Variants in RBPJ observed in about 807,000 individuals in gnomAD.
The protein encoded by RBPJ is recombining binding protein suppressor of hairless.
RBPJ carries 9 observed loss-of-function variants against 67.8 expected under a neutral mutation model. That is an observed-to-expected ratio of 0.13 (90% CI 0.08 to 0.23). The LOEUF is 0.23. RBPJ is among the 10% of genes least tolerant of loss of function. The pLI is 1.00. For synonymous variants in RBPJ, 198 were observed against 203.3 expected, an observed-to-expected ratio of 0.97 and a Z score of 0.22; for missense variants, 305 against 595.6, an observed-to-expected ratio of 0.51 and a Z score of 5.08.
At chr4:26,327,007 C>G (rs1235940840) in intron 1 of RBPJ, among the ~76,000 whole-genome samples, 3 of 152,168 alleles carry the variant, frequency 2.0e-5, no homozygotes, top group Non-Finnish European at 2.9e-5. Context: ...TTTTTGGGGT[C>G]TATTTCTTAC....
chr4:26,315,136 C>T (rs77236511), upstream of RBPJ, among the ~76,000 whole-genome samples: 1 of 78,188 alleles, frequency 1.3e-5, no homozygotes, highest in Admixed American at 2.2e-4. Flanking sequence ...CAGAGCTAGT[C>T]TCTGTCTCAA....
chr4:26,231,414 C>CTTT (rs368580629), intron 1 of RBPJ, among the ~76,000 whole-genome samples: 2 of 142,116 alleles, frequency 1.4e-5, no homozygotes, highest in Non-Finnish European at 3.1e-5. Flanking sequence ...TTTAATTGCA[C>CTTT]TTTTTTTTTT....
intron 1 of RBPJ, among the ~76,000 whole-genome samples, chr4:26,171,419 T>C (rs1368248800): frequency 6.6e-6 from 1 of 152,072 alleles, no homozygotes; most frequent in Non-Finnish European, 1.5e-5. Context: ...AAGTCTCAAA[T>C]TAGTTGAGCA....
chr4:26,312,333 G>A (rs1379582912), intron 1 of RBPJ, among the ~76,000 whole-genome samples: 1 of 152,076 alleles, frequency 6.6e-6, no homozygotes, highest in Non-Finnish European at 1.5e-5. Flanking sequence ...GGGTTTCACT[G>A]TGTTAGCCAA....
Position 26,210,686 on chromosome 4 carries a change from C to CTTTCTTTCTTTCTTTCTTTCTTTCTTT in RBPJ, c.-167+47072_-167+47073insTTTCTTTCTTTCTTTCTTTCTTTCTTT, listed in dbSNP as rs56289492. Among the ~76,000 whole-genome samples the CTTTCTTTCTTTCTTTCTTTCTTTCTTT allele has an allele frequency of 1.7e-3, 109 of 65,392 alleles. 9 individuals carry two copies. Among genetic ancestry groups the CTTTCTTTCTTTCTTTCTTTCTTTCTTT allele is most frequent in the East Asian group, 3.9e-3 (9 of 2,290 alleles). The allele number at this position is 65,392 out of a possible 152,430, so 42.9% of individuals were successfully genotyped here. On this transcript the variant is annotated intron_variant, in intron 1 of 4. Transcript: ENST00000512351. ...TTTTTCTTTCTTTCTTTCTTTCTTTCCTTTCTTTCTTTCTTTCTTTCCTTC... is the reference window on the plus strand; with the variant it reads ...TTTTTCTTTCTTTCTTTCTTTCTTTCTTTCTTTCTTTCTTTCTTTCTTTCTTTCTTTCTTTCTTTCTTTCTTTCCTTC...
chr4:26,362,231 A>G (rs1278104449), intron 1 of RBPJ, among the ~76,000 whole-genome samples: 2 of 152,200 alleles, frequency 1.3e-5, no homozygotes, highest in African/African-American at 2.4e-5. Context: ...CAATTGGGGC[A>G]AAGAGATTTG....
the RBPJ span, among the ~76,000 whole-genome samples, chr4:26,120,386 GT>G: frequency 5.9e-5 from 9 of 152,276 alleles, no homozygotes; most frequent in South Asian, 1.9e-3. Context: ...GCAAGTCTTT[GT>G]TCTGAACAGT....
At chr4:26,320,632 C>T, upstream of RBPJ, 1 of 1,184,938 alleles carries the variant, frequency 8.4e-7, no homozygotes, top group Non-Finnish European at 1.2e-6. Context: ...CTCCTCCCTT[C>T]TCCTCGGCCC....
intron 1 of RBPJ, 115 bp downstream of exon 1, chr4:26,321,163 GGGCGGCGTCGCGTGCGCCGAGCGC>G: frequency 2.0e-6 from 1 of 505,842 alleles, no homozygotes; most frequent in South Asian, 5.8e-5. Flanking sequence ...GGGCCCGCGG[GGGCGGCGTCGCGTGCGCCGAGCGC>G]GGCGGCGGCG....
At chr4:26,216,921 T>C (rs1718739959) in intron 1 of RBPJ, among the ~76,000 whole-genome samples, 1 of 152,114 alleles carries the variant, frequency 6.6e-6, no homozygotes, top group Non-Finnish European at 1.5e-5. Flanking sequence ...TAAGACACTG[T>C]CTTAGTCAAT....
At chr4:26,178,688 G>C (rs2109125792) in intron 1 of RBPJ, among the ~76,000 whole-genome samples, 1 of 149,916 alleles carries the variant, frequency 6.7e-6, no homozygotes, top group East Asian at 2.0e-4. Context: ...AGGGGAGTGA[G>C]AGTGAAATCC....
chr4:26,286,298 G>C (rs1023789440), intron 1 of RBPJ, among the ~76,000 whole-genome samples: 4 of 151,982 alleles, frequency 2.6e-5, no homozygotes, highest in Non-Finnish European at 4.4e-5. Flanking sequence ...GGGCAACACA[G>C]TGAGACCAGG....
At chr4:26,411,733 C>T (rs939805513) in intron 3 of RBPJ, among the ~76,000 whole-genome samples, 1 of 152,078 alleles carries the variant, frequency 6.6e-6, no homozygotes, top group Admixed American at 6.5e-5. Flanking sequence ...CATTTTGTCA[C>T]AGTACTTTTG....
At chr4:26,361,844 G>A (rs1429807636) in intron 1 of RBPJ, among the ~76,000 whole-genome samples, 1 of 152,140 alleles carries the variant, frequency 6.6e-6, no homozygotes, top group Non-Finnish European at 1.5e-5. Context: ...GAAAGCTGGG[G>A]TGGGGTTAGG....
At chr4:26,319,940 G>A (rs757429024), upstream of RBPJ, 28 of 1,520,166 alleles carry the variant, frequency 1.8e-5, no homozygotes, top group Non-Finnish European at 2.4e-5. Context: ...TCCATGCCCG[G>A]TGGGGCCAGG....
At chr4:26,257,723 C>A (rs998574149) in intron 1 of RBPJ, among the ~76,000 whole-genome samples, 1 of 152,210 alleles carries the variant, frequency 6.6e-6, no homozygotes, top group Non-Finnish European at 1.5e-5. Context: ...TTTTCCATCA[C>A]CAAAATGTTA....
intron 1 of RBPJ, among the ~76,000 whole-genome samples, chr4:26,296,291 T>A (rs149028864): frequency 3.3e-5 from 5 of 152,194 alleles, no homozygotes; most frequent in Admixed American, 2.6e-4. Flanking sequence ...CCTCTAACAA[T>A]GCTCTTTTTT....
At chr4:26,189,533 C>T (rs886563742) in intron 1 of RBPJ, among the ~76,000 whole-genome samples, 1 of 152,080 alleles carries the variant, frequency 6.6e-6, no homozygotes, top group Non-Finnish European at 1.5e-5. Context: ...TGGCGCACAC[C>T]TGAAATCCCA....
chr4:26,188,280 C>CAA (rs1277931410), intron 1 of RBPJ, among the ~76,000 whole-genome samples: 1 of 152,106 alleles, frequency 6.6e-6, no homozygotes, highest in Non-Finnish European at 1.5e-5. Context: ...AAAGCACTGA[C>CAA]AAACAATTCT....
Sources: allele counts gnomAD v4.1 joint callset (sites outside exome capture counted in the v4.1 genomes callset), GRCh38; gene constraint gnomAD v4.1.1; transcripts MANE v1.5; gene names NCBI Gene and HGNC (gene_info 2026-07-23, HGNC 2026-07-21).